The following GALK2 variants were observed in gnomAD, a reference collection of about 807,000 sequenced individuals.
GALK2 encodes the protein galactokinase 2, also known as N-acetylgalactosamine kinase.
A neutral mutation model predicts 52.4 loss-of-function variants in GALK2; 36 were observed. The ratio of observed to expected loss-of-function variants is 0.69; its 90% CI spans 0.53 to 0.91. The LOEUF is 0.91. GALK2 is among the 40% of genes least tolerant of loss of function. The probability of loss-of-function intolerance (pLI) is 0.00; values close to 1 mark genes in which losing one functional copy is unlikely to be tolerated. For missense variants in GALK2, 579 were observed against 559.1 expected (o/e 1.04, Z -0.36); for synonymous variants, 176 against 199.1 (o/e 0.88, Z 0.98).
intron 3 of GALK2, among the ~76,000 whole-genome samples, chr15:49,359,151 G>A: frequency 6.7e-6 from 1 of 150,244 alleles, no homozygotes; most frequent in East Asian, 2.0e-4. Flanking sequence ...GAAAACCTAG[G>A]CATTACCATT....
intron 8 of GALK2, among the ~76,000 whole-genome samples, chr15:49,307,179 A>C (rs542150853): frequency 1.2e-4 from 19 of 152,252 alleles, no homozygotes; most frequent in Admixed American, 1.0e-3. Flanking sequence ...TAGGATGCTG[A>C]TGCAGCATCT....
chr15:49,274,207 T>C (rs988659837), intron 5 of GALK2, among the ~76,000 whole-genome samples: 1 of 152,192 alleles, frequency 6.6e-6, no homozygotes, highest in African/African-American at 2.4e-5. Flanking sequence ...GTCAACATCA[T>C]AGAGTGTACT....
chr15:49,234,770 C>CTT (rs774807789), intron 3 of GALK2, among the ~76,000 whole-genome samples: 2 of 145,110 alleles, frequency 1.4e-5, no homozygotes, highest in Non-Finnish European at 3.0e-5. Flanking sequence ...ATATCAGATA[C>CTT]TTTTTTTTTT....
intron 1 of GALK2, among the ~76,000 whole-genome samples, chr15:49,164,534 A>C (rs953511266): frequency 4.6e-5 from 7 of 152,108 alleles, no homozygotes; most frequent in Non-Finnish European, 5.9e-5. Flanking sequence ...TAATCGCAGC[A>C]CTTTGGGAGG....
chr15:49,327,852 T>C, intron 9 of GALK2, 100 bp from the exon 10 acceptor site: 5 of 1,140,706 alleles, frequency 4.4e-6, no homozygotes, highest in Non-Finnish European at 6.2e-6. Context: ...GCATGTATTT[T>C]CTTCTTAGAA....
At chr15:49,322,019 C>T (rs887640045) in intron 9 of GALK2, among the ~76,000 whole-genome samples, 11 of 152,206 alleles carry the variant, frequency 7.2e-5, no homozygotes, top group East Asian at 1.9e-4. Context: ...ACTGTTGCTT[C>T]GCTTTGTGTT....
At chr15:49,179,125 A>T (rs2085757471) in intron 1 of GALK2, among the ~76,000 whole-genome samples, 1 of 152,088 alleles carries the variant, frequency 6.6e-6, no homozygotes, top group Non-Finnish European at 1.5e-5. Context: ...AGAGATTCAA[A>T]TTCACCCTCC....
chr15:49,265,166 C>T (rs963482044), intron 5 of GALK2, among the ~76,000 whole-genome samples: 1 of 152,196 alleles, frequency 6.6e-6, no homozygotes, highest in Non-Finnish European at 1.5e-5. Flanking sequence ...CTGTGCCCTT[C>T]CCCCAGAGGT....
intron 1 of GALK2, among the ~76,000 whole-genome samples, chr15:49,174,911 A>C (rs936010070): frequency 3.3e-5 from 5 of 152,200 alleles, no homozygotes; most frequent in Non-Finnish European, 7.3e-5. Flanking sequence ...CTTTATTGGC[A>C]CTATCAGTTT....
At chr15:49,171,501 A>G (rs1294019409) in intron 1 of GALK2, among the ~76,000 whole-genome samples, 3 of 152,074 alleles carry the variant, frequency 2.0e-5, no homozygotes, top group Non-Finnish European at 4.4e-5. Context: ...ATTATACTTT[A>G]CTACAACTTG....
intron 8 of GALK2, among the ~76,000 whole-genome samples, chr15:49,307,250 C>T (rs1384240008): frequency 6.6e-6 from 1 of 152,096 alleles, no homozygotes; most frequent in Non-Finnish European, 1.5e-5. Context: ...GCAGGTATCT[C>T]AAGTCAACGG....
downstream of GALK2, among the ~76,000 whole-genome samples, chr15:49,334,008 A>G (rs938467718): frequency 1.2e-4 from 19 of 152,330 alleles, 1 homozygote; most frequent in African/African-American, 4.6e-4. Context: ...AAAGGACTTG[A>G]GCTTAAGTCC....
intron 1 of GALK2, chr15:49,156,689 T>C (rs1595834068): frequency 1.9e-6 from 1 of 520,698 alleles, no homozygotes; most frequent in East Asian, 5.2e-5. Context: ...ATTGACACTT[T>C]TCAATAATCA....
chr15:49,360,469 A>G (rs1322293943), intron 3 of GALK2, among the ~76,000 whole-genome samples: 1 of 152,190 alleles, frequency 6.6e-6, no homozygotes, highest in African/African-American at 2.4e-5. Context: ...AATTTTTTAA[A>G]TAATTTGCAT....
Position 49,319,735 on chromosome 15 carries a change from A to G in GALK2, c.1099A>G (p.Ser367Gly). 6.2e-7 allele frequency: 1 copy of G among 1,614,172 alleles called. No homozygotes were observed. The highest frequency in any genetic ancestry group is 1.1e-5 in the South Asian group (1 of 91,066). Reference protein sequence around the residue: ...VQLLGELMNQSHMSCRDMYEC... With the variant: ...VQLLGELMNQGHMSCRDMYEC... ...GCTGCTGGGAGAGTTGATGAACCAG[A>G]GCCACATGAGCTGCCGGGACATGTA... Residue 367 changes from serine (S) to glycine (G), a missense_variant, in exon 9 of 10, where the codon AGC becomes GGC. Physicochemically the swap from Ser to Gly is moderately conservative, Grantham distance 56. Coordinates refer to ENST00000560031, the MANE Select transcript of GALK2 (RefSeq NM_002044.4).
At chr15:49,350,567 T>C (rs755687600) in intron 3 of GALK2, among the ~76,000 whole-genome samples, 1 of 152,214 alleles carries the variant, frequency 6.6e-6, no homozygotes, top group Non-Finnish European at 1.5e-5. Flanking sequence ...CTGTCTTTTA[T>C]GGGCTAGTTC....
chr15:49,204,457 T>G (rs1028572785), intron 2 of GALK2, among the ~76,000 whole-genome samples: 2 of 152,128 alleles, frequency 1.3e-5, no homozygotes, highest in Non-Finnish European at 1.5e-5. Flanking sequence ...ATTCTTCCAG[T>G]CCAAGAATGT....
intron 8 of GALK2, among the ~76,000 whole-genome samples, chr15:49,297,516 G>A (rs1002594527): frequency 7.2e-5 from 11 of 152,096 alleles, no homozygotes; most frequent in Admixed American, 6.6e-5. Context: ...TCTATGTTCA[G>A]AACTGCATAT....
chr15:49,215,970 C>T (rs2089334172), intron 2 of GALK2, among the ~76,000 whole-genome samples: 1 of 152,198 alleles, frequency 6.6e-6, no homozygotes, highest in South Asian at 2.1e-4. Context: ...GTGCTCTAAG[C>T]CCAGGAATGC....
Sources: gnomAD v4.1 joint callset for allele counts (sites outside exome capture counted in the v4.1 genomes callset) on GRCh38, gnomAD v4.1.1 for gene constraint, MANE v1.5 for transcripts, NCBI Gene and HGNC (gene_info 2026-07-23, HGNC 2026-07-21) for gene names.